BRINP3: variants seen among roughly 807,000 people sequenced by gnomAD.
BRINP3 encodes BMP/retinoic acid-inducible neural-specific protein 3.
Under a neutral mutation model 71.0 loss-of-function variants are expected in BRINP3, and 19 were observed. The ratio of observed to expected loss-of-function variants is 0.27; its 90% CI spans 0.19 to 0.39. The LOEUF (loss-of-function observed/expected upper bound fraction) is 0.39. BRINP3 is among the 10% of genes least tolerant of loss of function. The probability of loss-of-function intolerance (pLI) is 1.00; values close to 1 mark genes in which losing one functional copy is unlikely to be tolerated. For synonymous variants in BRINP3, 380 were observed against 337.7 expected, an observed-to-expected ratio of 1.13 and a Z score of -1.37; for missense variants, 959 against 940.8, an observed-to-expected ratio of 1.02 and a Z score of -0.25.
At chr1:190,464,203 T>C (rs1676588434) in intron 1 of BRINP3, among the ~76,000 whole-genome samples, 1 of 151,776 alleles carries the variant, frequency 6.6e-6, no homozygotes, top group African/African-American at 2.4e-5. Flanking sequence ...TGGTATTTAA[T>C]TCCAAGCATC....
At chr1:190,193,039 G>A (rs1654184135) in intron 6 of BRINP3, among the ~76,000 whole-genome samples, 1 of 152,080 alleles carries the variant, frequency 6.6e-6, no homozygotes, top group Admixed American at 6.6e-5. Context: ...AGAAAGTAAA[G>A]ATGAATGACT....
chr1:190,100,893 T>C (rs780842431), intron 7 of BRINP3, among the ~76,000 whole-genome samples: 13 of 152,182 alleles, frequency 8.5e-5, no homozygotes, highest in Non-Finnish European at 1.8e-4. Flanking sequence ...TGCAGTGATA[T>C]TGTGAGGTGG....
At chr1:190,176,889 G>A (rs1652557599) in intron 6 of BRINP3, among the ~76,000 whole-genome samples, 1 of 152,124 alleles carries the variant, frequency 6.6e-6, no homozygotes, top group African/African-American at 2.4e-5. Flanking sequence ...ATGTACCAAA[G>A]AGAGCTCATC....
intron 2 of BRINP3, among the ~76,000 whole-genome samples, chr1:190,399,051 G>A (rs1308300902): frequency 6.6e-6 from 1 of 151,850 alleles, no homozygotes; most frequent in Non-Finnish European, 1.5e-5. Flanking sequence ...TGATTACTTT[G>A]TGCGCAGAAA....
intron 1 of BRINP3, among the ~76,000 whole-genome samples, chr1:190,474,197 T>C (rs1025831222): frequency 2.6e-5 from 4 of 152,192 alleles, no homozygotes; most frequent in Admixed American, 1.3e-4. Flanking sequence ...TGGCTACACA[T>C]TTAAATAAAT....
At chr1:190,192,592 T>C (rs958218461) in intron 6 of BRINP3, among the ~76,000 whole-genome samples, 2 of 151,920 alleles carry the variant, frequency 1.3e-5, no homozygotes, top group African/African-American at 4.8e-5. Context: ...TCTCCCAAAA[T>C]GAAAACTTTC....
intron 2 of BRINP3, among the ~76,000 whole-genome samples, chr1:190,437,854 T>C (rs1314406523): frequency 1.3e-5 from 2 of 151,818 alleles, no homozygotes; most frequent in Non-Finnish European, 3.0e-5. Context: ...ATATAACATA[T>C]ATTGTAGAGG....
At chr1:190,310,628 C>T (rs1435890648) in intron 2 of BRINP3, among the ~76,000 whole-genome samples, 1 of 151,592 alleles carries the variant, frequency 6.6e-6, no homozygotes, top group Non-Finnish European at 1.5e-5. Context: ...ATCATCTTCT[C>T]ATATGTAATT....
At chr1:190,470,342 CTA>C (rs1468867113) in intron 1 of BRINP3, among the ~76,000 whole-genome samples, 2 of 150,872 alleles carry the variant, frequency 1.3e-5, no homozygotes, top group Non-Finnish European at 3.0e-5. Flanking sequence ...TGGCAGAGAA[CTA>C]TAATAAATTC....
At chr1:190,305,373 T>A (rs1665021679) in intron 2 of BRINP3, among the ~76,000 whole-genome samples, 1 of 151,804 alleles carries the variant, frequency 6.6e-6, no homozygotes, top group African/African-American at 2.4e-5. Flanking sequence ...AATTGATGAA[T>A]GAATAAAGAC....
chr1:190,382,977 A>G (rs772863783), intron 2 of BRINP3, among the ~76,000 whole-genome samples: 1 of 152,238 alleles, frequency 6.6e-6, no homozygotes, highest in East Asian at 1.9e-4. Flanking sequence ...TGGTTTGGCA[A>G]ATTGACAGCT....
chr1:190,275,411 G>A (rs1225939695), intron 3 of BRINP3, among the ~76,000 whole-genome samples: 4 of 151,576 alleles, frequency 2.6e-5, no homozygotes, highest in South Asian at 2.1e-4. Flanking sequence ...CTGTTAAAAT[G>A]TAGATTCTGA....
At chr1:190,120,714 A>G (rs562183131) in intron 7 of BRINP3, among the ~76,000 whole-genome samples, 111 of 150,734 alleles carry the variant, frequency 7.4e-4, no homozygotes, top group African/African-American at 2.2e-3. Flanking sequence ...CATCTTGGCC[A>G]GGCTGGTCTT....
intron 7 of BRINP3, among the ~76,000 whole-genome samples, chr1:190,144,932 C>T (rs1484829373): frequency 6.6e-6 from 1 of 152,148 alleles, no homozygotes; most frequent in Non-Finnish European, 1.5e-5. Context: ...TGGCATACTG[C>T]ATTCTCACCT....
intron 4 of BRINP3, among the ~76,000 whole-genome samples, chr1:190,259,926 G>A (rs1661027101): frequency 6.6e-6 from 1 of 151,778 alleles, no homozygotes; most frequent in African/African-American, 2.4e-5. Flanking sequence ...TACTTGGGAG[G>A]CTGAGATAGG....
chr1:190,410,070 T>C (rs1319556680), intron 2 of BRINP3, among the ~76,000 whole-genome samples: 1 of 152,154 alleles, frequency 6.6e-6, no homozygotes, highest in East Asian at 1.9e-4. Flanking sequence ...CTTTCTTTAT[T>C]TATCCTTTGC....
chr1:190,280,006 T>C (rs946248940), intron 3 of BRINP3, among the ~76,000 whole-genome samples: 2 of 151,890 alleles, frequency 1.3e-5, no homozygotes, highest in Non-Finnish European at 2.9e-5. Context: ...GATGAAGTGG[T>C]GACCAATATA....
chr1:190,179,828 C>T (rs1356154321), intron 6 of BRINP3, among the ~76,000 whole-genome samples: 1 of 152,118 alleles, frequency 6.6e-6, no homozygotes, highest in Non-Finnish European at 1.5e-5. Flanking sequence ...AATGAACAGA[C>T]TCTCAAGCTG....
intron 4 of BRINP3, among the ~76,000 whole-genome samples, chr1:190,242,118 T>C (rs1455187145): frequency 2.6e-5 from 4 of 151,884 alleles, no homozygotes; most frequent in Admixed American, 2.6e-4. Flanking sequence ...TTTTCAAACA[T>C]ATTATTAATT....
Sources: gnomAD v4.1 joint callset for allele counts (sites outside exome capture counted in the v4.1 genomes callset) on GRCh38, gnomAD v4.1.1 for gene constraint, MANE v1.5 for transcripts, NCBI Gene and HGNC (gene_info 2026-07-23, HGNC 2026-07-21) for gene names.